The following EDIL3 variants were observed in gnomAD, a reference collection of about 807,000 sequenced individuals.
EDIL3 encodes the protein EGF like and discoidin domains 3.
A neutral mutation model predicts 67.4 loss-of-function variants in EDIL3; 37 were observed. The observed-to-expected ratio is 0.55, with a 90% CI of 0.42 to 0.72. EDIL3 has a LOEUF of 0.72. Ranked by LOEUF, EDIL3 falls within the 30% of genes least tolerant of loss-of-function variation. The pLI is 0.00. For missense variants in EDIL3, 527 were observed against 586.3 expected, an observed-to-expected ratio of 0.90 and a Z score of 1.04; for synonymous variants, 195 against 196.3, an observed-to-expected ratio of 0.99 and a Z score of 0.05.
intron 1 of EDIL3, among the ~76,000 whole-genome samples, chr5:84,291,974 C>T (rs1176978490): frequency 2.0e-5 from 3 of 151,240 alleles, no homozygotes; most frequent in South Asian, 2.1e-4. Flanking sequence ...ATTGATATAC[C>T]CAGATACATT....
At chr5:84,368,910 A>G (rs899046544) in intron 1 of EDIL3, among the ~76,000 whole-genome samples, 2 of 152,082 alleles carry the variant, frequency 1.3e-5, no homozygotes, top group Non-Finnish European at 2.9e-5. Flanking sequence ...GCAAGTCAAA[A>G]CTAAAATGAG....
chr5:84,135,025 C>T (rs966251126), intron 5 of EDIL3, among the ~76,000 whole-genome samples: 1 of 152,044 alleles, frequency 6.6e-6, no homozygotes, highest in Non-Finnish European at 1.5e-5. Context: ...AGGGCAGGGG[C>T]CTCTCTCCCT....
At chr5:84,249,426 T>G (rs1246029939) in intron 2 of EDIL3, among the ~76,000 whole-genome samples, 1 of 148,228 alleles carries the variant, frequency 6.7e-6, no homozygotes, top group East Asian at 2.0e-4. Flanking sequence ...TATCTATCTA[T>G]CTATCATCTA....
At chr5:84,198,353 A>G (rs1384017519) in intron 3 of EDIL3, among the ~76,000 whole-genome samples, 1 of 152,030 alleles carries the variant, frequency 6.6e-6, no homozygotes, top group Non-Finnish European at 1.5e-5. Flanking sequence ...CTGAAAGAGT[A>G]GGATTTGGAA....
intron 1 of EDIL3, among the ~76,000 whole-genome samples, chr5:84,364,475 G>C (rs1416157856): frequency 6.6e-6 from 1 of 152,160 alleles, no homozygotes; most frequent in Non-Finnish European, 1.5e-5. Context: ...AATTGCAGTA[G>C]GTAGCATTCC....
At position 84,384,297 on chromosome 5, in the gene EDIL3, C is replaced by T; in HGVS notation, c.67+11G>A. 6.2e-7 allele frequency: 1 copy of T among 1,606,500 alleles called. No homozygotes were observed. Among genetic ancestry groups the T allele is most frequent in the Non-Finnish European group, 8.5e-7 (1 of 1,176,538 alleles). ...ATCCCTCACCCAGCTGTCCGGGTCC[C>T]GACGCCTTACCTTTGCCGAACTGGG... On this transcript the variant is annotated intron_variant, in intron 1 of 10. Transcript: ENST00000296591.
chr5:84,183,450 A>C (rs1050903204), intron 3 of EDIL3, among the ~76,000 whole-genome samples: 1 of 152,174 alleles, frequency 6.6e-6, no homozygotes, highest in African/African-American at 2.4e-5. Context: ...ATAACCGCTA[A>C]AGAAAAAAAT....
At chr5:84,184,674 C>A (rs1273878223) in intron 3 of EDIL3, among the ~76,000 whole-genome samples, 2 of 152,096 alleles carry the variant, frequency 1.3e-5, no homozygotes, top group Non-Finnish European at 2.9e-5. Context: ...ATTCAAGAAT[C>A]CAATGGGTTC....
intron 4 of EDIL3, among the ~76,000 whole-genome samples, chr5:84,162,833 C>A (rs2115504): frequency 6.6e-6 from 1 of 152,096 alleles, no homozygotes; most frequent in Non-Finnish European, 1.5e-5. Context: ...GTGAGGACAG[C>A]TTAGGCCATA....
chr5:84,300,302 G>T (rs1746131407), intron 1 of EDIL3, among the ~76,000 whole-genome samples: 1 of 152,152 alleles, frequency 6.6e-6, no homozygotes, highest in Admixed American at 6.5e-5. Flanking sequence ...AGGTGGGAAT[G>T]GTTCTCTGAT....
rs1554038574 is a variant in EDIL3, at chr5:84,256,119, ACTATCTAT to A, written c.68-1915_68-1908del. On this transcript the variant is annotated intron_variant, in intron 1 of 10. Coordinates refer to ENST00000296591, the MANE Select transcript of EDIL3 (RefSeq NM_005711.5). ...CTATCATTTATATACTTATCATCTA[ACTATCTAT>A]CTATCTATCTATCTATCTATCATCT... Among the ~76,000 whole-genome samples the A allele has an allele frequency of 1.9e-4, 28 of 147,128 alleles. 1 individual carries two copies. In the South Asian group the frequency reaches 2.4e-3, roughly 13 times the overall value.
At chr5:84,102,984 A>G (rs1187118932) in intron 6 of EDIL3, among the ~76,000 whole-genome samples, 3 of 152,158 alleles carry the variant, frequency 2.0e-5, no homozygotes, top group Non-Finnish European at 4.4e-5. Flanking sequence ...GGCTACAGTA[A>G]CCAAAAGTAC....
At chr5:84,088,785 T>C (rs1270005499) in intron 6 of EDIL3, among the ~76,000 whole-genome samples, 1 of 152,180 alleles carries the variant, frequency 6.6e-6, no homozygotes, top group Non-Finnish European at 1.5e-5. Flanking sequence ...TAAAGTGATC[T>C]ATACCAAGTA....
At chr5:84,266,367 T>C (rs1187391515) in intron 1 of EDIL3, among the ~76,000 whole-genome samples, 1 of 152,178 alleles carries the variant, frequency 6.6e-6, no homozygotes, top group African/African-American at 2.4e-5. Context: ...TTTATGCAGC[T>C]CTAACCCAAA....
At chr5:84,274,876 T>G (rs1447432127) in intron 1 of EDIL3, among the ~76,000 whole-genome samples, 2 of 152,154 alleles carry the variant, frequency 1.3e-5, no homozygotes, top group African/African-American at 4.8e-5. Context: ...CATTGCATTT[T>G]ATAGCAATTT....
intron 8 of EDIL3, among the ~76,000 whole-genome samples, chr5:84,060,718 C>T (rs1451902805): frequency 6.6e-6 from 1 of 151,964 alleles, no homozygotes; most frequent in Non-Finnish European, 1.5e-5. Context: ...AAATTGAAAA[C>T]AAGACAGACA....
chr5:84,326,885 T>A (rs1006121012), intron 1 of EDIL3, among the ~76,000 whole-genome samples: 7 of 151,996 alleles, frequency 4.6e-5, no homozygotes, highest in East Asian at 1.9e-4. Flanking sequence ...TTTAACCTTT[T>A]AAAAATTTTT....
intron 1 of EDIL3, among the ~76,000 whole-genome samples, chr5:84,264,908 T>A (rs769996392): frequency 4.6e-5 from 7 of 152,210 alleles, no homozygotes; most frequent in Non-Finnish European, 8.8e-5. Context: ...TTTCACAGAA[T>A]CTTCTTATTT....
At chr5:84,058,102 G>GT (rs144327699) in intron 9 of EDIL3, among the ~76,000 whole-genome samples, 116 of 152,230 alleles carry the variant, frequency 7.6e-4, no homozygotes, top group Non-Finnish European at 8.7e-4. Context: ...AGATAATGCT[G>GT]TGGGTAGAGG....
Sources: allele counts gnomAD v4.1 joint callset (sites outside exome capture counted in the v4.1 genomes callset), GRCh38; gene constraint gnomAD v4.1.1; transcripts MANE v1.5; gene names NCBI Gene and HGNC (gene_info 2026-07-23, HGNC 2026-07-21).